Variants in SLC16A7 observed in about 807,000 individuals in gnomAD.
SLC16A7 encodes the protein solute carrier family 16 member 7, also known as monocarboxylate transporter 2.
Under a neutral mutation model 34.9 loss-of-function variants are expected in SLC16A7, and 33 were observed. The observed-to-expected ratio is 0.94, with a 90% confidence interval of 0.72 to 1.26. The LOEUF is 1.26. SLC16A7 is among the 50% of genes most tolerant of loss of function. The pLI is 0.00. For missense variants in SLC16A7, 573 were observed against 578.1 expected (o/e 0.99, Z 0.09); for synonymous variants, 201 against 206.6 (o/e 0.97, Z 0.23).
intron 3 of SLC16A7, among the ~76,000 whole-genome samples, chr12:59,735,142 A>G (rs1259760995): frequency 2.0e-5 from 3 of 152,212 alleles, no homozygotes; most frequent in Non-Finnish European, 4.4e-5. Flanking sequence ...CACCACTACT[A>G]GGTTCCTAAA....
At chr12:59,713,534 T>A (rs938617528) in intron 3 of SLC16A7, among the ~76,000 whole-genome samples, 1 of 152,216 alleles carries the variant, frequency 6.6e-6, no homozygotes, top group African/African-American at 2.4e-5. Flanking sequence ...CATTGAATAT[T>A]TTTTCATTAT....
intron 1 of SLC16A7, among the ~76,000 whole-genome samples, chr12:59,630,549 C>A (rs764921987): frequency 9.9e-5 from 15 of 151,808 alleles, no homozygotes; most frequent in Non-Finnish European, 1.8e-4. Context: ...TCAGAGTGCT[C>A]AAAACAAGTC....
chr12:59,691,271 G>A (rs1237511426), intron 2 of SLC16A7, among the ~76,000 whole-genome samples: 6 of 151,950 alleles, frequency 3.9e-5, no homozygotes, highest in African/African-American at 1.4e-4. Context: ...CTGGAGCATC[G>A]ATTCAGTTGC....
At chr12:59,604,999 A>C (rs1878869747) in intron 1 of SLC16A7, among the ~76,000 whole-genome samples, 1 of 152,032 alleles carries the variant, frequency 6.6e-6, no homozygotes. Flanking sequence ...GGCGCCCGCC[A>C]CCACGCCCGG....
chr12:59,728,314 G>A (rs1876530542), intron 3 of SLC16A7, among the ~76,000 whole-genome samples: 1 of 152,154 alleles, frequency 6.6e-6, no homozygotes, highest in African/African-American at 2.4e-5. Context: ...GTGACATCCT[G>A]GCATCCAGTG....
chr12:59,647,849 C>T (rs956023767), intron 1 of SLC16A7, among the ~76,000 whole-genome samples: 13 of 151,756 alleles, frequency 8.6e-5, no homozygotes, highest in East Asian at 3.9e-4. Flanking sequence ...TTGAGATCAG[C>T]CTGGGCAACA....
At chr12:59,646,420 A>G (rs1472387759) in intron 1 of SLC16A7, among the ~76,000 whole-genome samples, 3 of 152,182 alleles carry the variant, frequency 2.0e-5, no homozygotes, top group African/African-American at 7.2e-5. Flanking sequence ...AAGCTTCCAC[A>G]TGGTGTTGGT....
At position 59,781,679 on chromosome 12, in the gene SLC16A7, CTA is replaced by C. The variant is rs1275217648; in HGVS notation, c.*2002_*2003del. The C allele has an allele frequency of 6.6e-6, 1 of 152,438 alleles. No individual in the cohort carries two copies. The highest frequency in any genetic ancestry group is 1.5e-5 in the Non-Finnish European group (1 of 68,008). 9.4% of individuals were successfully genotyped at this position (152,438 alleles called of 1,614,324 possible). ...CACCCGATCTTGATTCTTGAATTAG[CTA>C]TGTTTATATTTTTAGTTCTTTTTTA... On this transcript the variant is annotated 3_prime_UTR_variant, in exon 6 of 6. Coordinates refer to ENST00000547379, the MANE Select transcript of SLC16A7 (RefSeq NM_001270623.2).
Position 59,784,276 on chromosome 12 carries a change from C to G in SLC16A7, c.*4597C>G, listed in dbSNP as rs7971727. ...GTCCCAGCTACTCGGGAGGCTGAGA[C>G]GAGAGGGTCATTTGAGCCCAGGAAG... is the stretch of plus-strand genomic sequence containing the variant. On this transcript the variant is annotated 3_prime_UTR_variant, in exon 6 of 6. Coordinates refer to ENST00000547379, the MANE Select transcript of SLC16A7 (RefSeq NM_001270623.2). The G allele has an allele frequency of 6.6e-6, 1 of 151,806 alleles. No individual in the cohort carries two copies. The highest frequency in any genetic ancestry group is 1.5e-5 in the Non-Finnish European group (1 of 67,976). The allele number at this position is 151,806 out of a possible 1,614,324, so 9.4% of individuals were successfully genotyped here. A position where few individuals can be genotyped will look rare whatever the true frequency, so the allele number is the denominator to read the frequency against.
chr12:59,689,362 A>G (rs1269630236), intron 2 of SLC16A7: 1 of 151,936 alleles, frequency 6.6e-6, no homozygotes, highest in Non-Finnish European at 1.5e-5. Flanking sequence ...TAAAAAGAGC[A>G]ATGGTTCACA....
intron 1 of SLC16A7, among the ~76,000 whole-genome samples, chr12:59,602,831 C>T (rs1360822167): frequency 6.6e-6 from 1 of 152,084 alleles, no homozygotes; most frequent in Non-Finnish European, 1.5e-5. Context: ...AGCTCATCTG[C>T]TCTGGACCTC....
chr12:59,605,009 G>A (rs61936296), intron 1 of SLC16A7, among the ~76,000 whole-genome samples: 16,671 of 152,004 alleles, frequency 0.11, 1,158 homozygotes, highest in Non-Finnish European at 0.15. Context: ...ACCACGCCCG[G>A]CTAATTTTTG....
intron 2 of SLC16A7, among the ~76,000 whole-genome samples, chr12:59,691,604 G>A (rs2137097599): frequency 6.6e-6 from 1 of 152,072 alleles, no homozygotes; most frequent in Admixed American, 6.6e-5. Context: ...ATTGCTCTGA[G>A]CTAGTTTTCT....
intron 2 of SLC16A7, among the ~76,000 whole-genome samples, chr12:59,671,416 G>T (rs1442247650): frequency 6.6e-6 from 1 of 151,890 alleles, no homozygotes; most frequent in South Asian, 2.1e-4. Context: ...TGACTCTTAT[G>T]TATCATGCTG....
chr12:59,760,856 A>G (rs1288295669), intron 3 of SLC16A7, among the ~76,000 whole-genome samples: 2 of 152,272 alleles, frequency 1.3e-5, no homozygotes, highest in East Asian at 3.9e-4. Flanking sequence ...TTTGTTGACC[A>G]CAGGTAACTG....
intron 1 of SLC16A7, among the ~76,000 whole-genome samples, chr12:59,634,951 A>G (rs1269669698): frequency 6.6e-6 from 1 of 152,066 alleles, no homozygotes; most frequent in Non-Finnish European, 1.5e-5. Flanking sequence ...TATGGTTTCC[A>G]CATTCTAGTT....
rs1290423840 is a variant in SLC16A7 at position 59,637,913 on chromosome 12, G to T, written c.-129-17239G>T. Among the ~76,000 whole-genome samples the T allele has an allele frequency of 3.3e-5, 5 of 152,026 alleles. No individual in the cohort carries two copies. The East Asian group carries it at 9.7e-4, about 29-fold the overall frequency. Reference sequence around the variant, plus strand: ...CCCTCTTGCTCTTTCATGCTCTTTTGCTTTTCTGCCTTCTGCCATGAAATG... The same window carrying T: ...CCCTCTTGCTCTTTCATGCTCTTTTTCTTTTCTGCCTTCTGCCATGAAATG... On this transcript the variant is annotated intron_variant, in intron 1 of 5. Transcript: ENST00000547379.
intron 2 of SLC16A7, among the ~76,000 whole-genome samples, chr12:59,662,913 T>A (rs1014243282): frequency 1.3e-5 from 2 of 152,120 alleles, no homozygotes; most frequent in Non-Finnish European, 2.9e-5. Flanking sequence ...AGAAGAAATA[T>A]CTTATGTGAA....
chr12:59,612,348 G>A (rs903313885), intron 1 of SLC16A7, among the ~76,000 whole-genome samples: 3 of 152,112 alleles, frequency 2.0e-5, no homozygotes, highest in Middle Eastern at 3.2e-3. Context: ...CCCTTTTAGC[G>A]ATGGCTGGAG....
Sources: allele counts gnomAD v4.1 joint callset (sites outside exome capture counted in the v4.1 genomes callset), GRCh38; gene constraint gnomAD v4.1.1; transcripts MANE v1.5; gene names NCBI Gene and HGNC (gene_info 2026-07-23, HGNC 2026-07-21).